Variants in PES1 observed in about 807,000 individuals in gnomAD.
PES1 encodes pescadillo homolog.
Under a neutral mutation model 77.1 loss-of-function variants are expected in PES1, and 31 were observed. That is an observed-to-expected ratio of 0.40 (90% CI 0.30 to 0.54). PES1 has a LOEUF of 0.54. PES1 is among the 20% of genes least tolerant of loss of function. PES1 has a pLI of 0.45. For missense variants in PES1, 658 were observed against 771.7 expected (o/e 0.85, Z 1.75); for synonymous variants, 282 against 303.0 (o/e 0.93, Z 0.72).
At chr22:30,588,281 T>C (rs2146476137) in intron 2 of PES1, 107 bp from the exon 3 acceptor site, 2 of 1,330,418 alleles carry the variant, frequency 1.5e-6, no homozygotes, top group Non-Finnish European at 2.1e-6. Context: ...ATGGGGTCCC[T>C]GCCCTTAGAG....
At chr22:30,598,612 A>G (rs1045421490) in intron 2 of PES1, among the ~76,000 whole-genome samples, 9 of 151,960 alleles carry the variant, frequency 5.9e-5, no homozygotes, top group Non-Finnish European at 1.2e-4. Flanking sequence ...TATTTTTAGT[A>G]GAAGTTGGGT....
In PES1 at chr22:30,579,925, G is replaced by T; in HGVS notation, c.1180C>A (p.Gln394Lys). ...QTSVIGRCYVQPQWVFDSVNA... is the reference protein window; with the variant it reads ...QTSVIGRCYVKPQWVFDSVNA... ...ACTGAGTCAAACACCCACTGGGGCT[G>T]CACGTAGCACCTGGCGCAGAGTGGC... The change falls in exon 12 of 15, where the codon CAG (glutamine) becomes AAG (lysine). Residue 394 changes from glutamine (Q) to lysine (K), a missense_variant. Transcript: ENST00000354694. The T allele has an allele frequency of 6.2e-7, 1 of 1,613,886 alleles. No individual in the cohort carries two copies. Among genetic ancestry groups the T allele is most frequent in the East Asian group, 2.2e-5 (1 of 44,870 alleles).
At chr22:30,603,731 T>C (rs1000768412) in intron 2 of PES1, 2 of 152,346 alleles carry the variant, frequency 1.3e-5, no homozygotes, top group South Asian at 4.1e-4. Flanking sequence ...AAAATAGATA[T>C]TTCATATAGA....
intron 14 of PES1, 119 bp from the exon 15 acceptor site, chr22:30,577,248 C>T (rs2086914795): frequency 5.8e-6 from 5 of 855,064 alleles, no homozygotes; most frequent in Non-Finnish European, 9.5e-6. Flanking sequence ...CAAATTCTCA[C>T]AGGAAAAAAA....
intron 2 of PES1, 69 bp from the exon 3 acceptor site, chr22:30,588,243 G>A: frequency 1.9e-6 from 3 of 1,593,662 alleles, no homozygotes; most frequent in South Asian, 1.1e-5. Flanking sequence ...CCACAGCTGG[G>A]CCTGGAAAAC....
chr22:30,597,504 C>T lies in PES1; in HGVS notation c.-660-5106G>A, dbSNP rs141298498. Among the ~76,000 whole-genome samples the T allele has an allele frequency of 7.3e-4, 48 of 65,366 alleles. No homozygotes were observed. In the South Asian group the frequency reaches 0.025, roughly 34 times the overall value. 42.9% of individuals were successfully genotyped at this position (65,366 alleles called of 152,430 possible). ...CTGTGTCTAGCTGATCTTGTGGGGA[C>T]TTGGAGAACATTTATGTCTAGCTAA... On this transcript the variant is annotated intron_variant, in intron 2 of 16. Coordinates refer to the PES1 transcript ENST00000402281.
upstream of PES1, among the ~76,000 whole-genome samples, chr22:30,596,264 T>C (rs2087250687): frequency 6.6e-6 from 1 of 152,224 alleles, no homozygotes; most frequent in African/African-American, 2.4e-5. Context: ...CTGGAGATTT[T>C]TTCTATATAG....
chr22:30,584,739 A>G (rs981297184), intron 4 of PES1, 22 bp from the exon 5 acceptor site: 2 of 1,612,230 alleles, frequency 1.2e-6, no homozygotes, highest in African/African-American at 2.7e-5. Flanking sequence ...GTGAGGCAGC[A>G]CATGGGGCCT....
chr22:30,577,184 G>C (rs1178968160), intron 14 of PES1, 55 bp from the exon 15 acceptor site: 1 of 1,429,444 alleles, frequency 7.0e-7, no homozygotes, highest in Non-Finnish European at 9.9e-7. Flanking sequence ...GGAGGGTGGG[G>C]GGCACAGAAC....
In PES1 at chr22:30,597,876, A is replaced by ATTTTTTTT. The variant is rs1210779167; in HGVS notation, c.-660-5479_-660-5478insAAAAAAAA. On this transcript the variant is annotated intron_variant, in intron 2 of 16. Coordinates refer to the PES1 transcript ENST00000402281. ...CTCGGTTTTTTTTCCACGCAGTTGA[A>ATTTTTTTT]GTTTTGTTTTTTTTTTTTTTGTTTT... Among the ~76,000 whole-genome samples, 88 of 125,148 alleles carry ATTTTTTTT rather than the reference A, an allele frequency of 7.0e-4. 1 individual carries two copies. Among genetic ancestry groups the ATTTTTTTT allele is most frequent in the African/African-American group, 2.6e-3 (85 of 32,418 alleles). 82.1% of individuals were successfully genotyped at this position (125,148 alleles called of 152,430 possible). A position where few individuals can be genotyped will look rare whatever the true frequency, so the allele number is the denominator to read the frequency against.
chr22:30,598,391 C>T (rs1235497043), intron 2 of PES1: 1 of 156,638 alleles, frequency 6.4e-6, no homozygotes, highest in African/African-American at 2.4e-5. Context: ...CCCACCAATT[C>T]CGGACACAGT....
intron 14 of PES1, among the ~76,000 whole-genome samples, chr22:30,577,946 A>G (rs528702389): frequency 1.3e-5 from 2 of 152,360 alleles, no homozygotes; most frequent in South Asian, 2.1e-4. Context: ...CACAGGGGAC[A>G]GGCCAGGTTT....
Position 30,579,257 on chromosome 22 carries a change from G to A in PES1, c.1401C>T (p.Asn467=), listed in dbSNP as rs753053334. The A allele has an allele frequency of 2.0e-5, 32 of 1,601,940 alleles. No individual in the cohort carries two copies. In the Middle Eastern group the frequency reaches 4.9e-4, roughly 25 times the overall value. Residue 467 remains asparagine, a synonymous_variant, in exon 13 of 15, where the codon AAC becomes AAT. Transcript: ENST00000354694. The part of the protein sequence containing the change: ...SEEEEEEDDN[N]EGDGDEEGEN... The stretch of plus-strand genomic sequence containing the variant: ...CTCCCTCTTCATCACCATCACCTTC[G>A]TTGTTGTCGTCCTCTTCCTCCTCCT...
At chr22:30,600,631 A>G (rs1021197603) in intron 2 of PES1, among the ~76,000 whole-genome samples, 1 of 151,976 alleles carries the variant, frequency 6.6e-6, no homozygotes, top group Non-Finnish European at 1.5e-5. Context: ...CCTGGCTAAC[A>G]CGGTGAAACC....
intron 14 of PES1, 82 bp downstream of exon 14, chr22:30,578,755 A>G: frequency 7.0e-7 from 1 of 1,436,756 alleles, no homozygotes; most frequent in Non-Finnish European, 9.7e-7. Flanking sequence ...TGCCTAGAGG[A>G]GGGCCCCAAG....
rs1602022031 is a variant in PES1, at chr22:30,591,895, G to T, written c.-62C>A. The T allele has an allele frequency of 1.3e-6, 2 of 1,525,826 alleles. No individual in the cohort carries two copies. The highest frequency in any genetic ancestry group is 2.5e-5 in the East Asian group (1 of 39,452). 94.5% of individuals were successfully genotyped at this position (1,525,826 alleles called of 1,614,324 possible). ...CAGGGAGCTCCACTTCCTCCCGCAC[G>T]TGCCCTGCCAAGGACCCCGAGGACC... On this transcript the variant is annotated 5_prime_UTR_variant, in exon 1 of 15. Transcript: ENST00000354694.
chr22:30,605,401 A>T, intron 2 of PES1: 1 of 962,098 alleles, frequency 1.0e-6, no homozygotes. Flanking sequence ...CTTTACTTCG[A>T]CACCCTAACT....
intron 12 of PES1, 41 bp downstream of exon 12, chr22:30,579,707 CGTG>C: frequency 6.3e-7 from 1 of 1,577,950 alleles, no homozygotes; most frequent in Non-Finnish European, 8.7e-7. Context: ...AAACAGCCAG[CGTG>C]GGCCCAGGGG....
chr22:30,598,884 A>ATTTTTT (rs1569031688), intron 2 of PES1, among the ~76,000 whole-genome samples: 7 of 46,260 alleles, frequency 1.5e-4, no homozygotes, highest in African/African-American at 3.0e-4. Context: ...ACTTAAGTAA[A>ATTTTTT]ATTTTTTTTT....
Sources: allele counts gnomAD v4.1 joint callset (sites outside exome capture counted in the v4.1 genomes callset), GRCh38; gene constraint gnomAD v4.1.1; transcripts MANE v1.5; gene names NCBI Gene and HGNC (gene_info 2026-07-23, HGNC 2026-07-21).